MED14: variants seen among roughly 807,000 people sequenced by gnomAD.
MED14 encodes the protein mediator of RNA polymerase II transcription subunit 14.
In MED14, 8 loss-of-function variants were observed where a neutral mutation model predicts 109.0. The ratio of observed to expected loss-of-function variants is 0.07; its 90% CI spans 0.04 to 0.13. The LOEUF (loss-of-function observed/expected upper bound fraction) is 0.13. MED14 is among the 10% of genes least tolerant of loss of function. The pLI, the probability that MED14 is intolerant of heterozygous loss-of-function variation, is 1.00. For missense variants in MED14, 711 were observed against 1,142.4 expected (o/e 0.62, Z 5.44); for synonymous variants, 399 against 408.7 (o/e 0.98, Z 0.29).
At chrX:40,655,694 T>A (rs1463160544) in intron 28 of MED14, among the ~76,000 whole-genome samples, 2 of 112,231 alleles carry the variant, frequency 1.8e-5, no homozygotes, top group African/African-American at 6.5e-5. Context: ...ACATAAATAT[T>A]TACTCCTTTA....
intron 3 of MED14, among the ~76,000 whole-genome samples, chrX:40,723,697 C>T (rs905933829): frequency 0.019 from 1,212 of 64,963 alleles, 18 homozygotes; most frequent in Non-Finnish European, 0.028. Context: ...AAAAAAAATA[C>T]AATGGACACA....
chrX:40,656,426 G>A (rs1174334259), intron 28 of MED14, among the ~76,000 whole-genome samples: 3 of 112,202 alleles, frequency 2.7e-5, no homozygotes, highest in Non-Finnish European at 5.6e-5. Flanking sequence ...AAGTCTAAAC[G>A]CTGATAAAAC....
At chrX:40,675,457 T>G (rs992335366) in intron 21 of MED14, 96 bp from the exon 22 acceptor site, 1 of 634,040 alleles carries the variant, frequency 1.6e-6, no homozygotes, top group Non-Finnish European at 2.2e-6. Context: ...AAACACAGTA[T>G]GTTGATCCTT....
Position 40,670,548 on chromosome X carries a change from T to C in MED14, c.3133+1313A>G, listed in dbSNP as rs1026003854. On this transcript the variant is annotated intron_variant, in intron 23 of 30. Coordinates refer to ENST00000324817, the MANE Select transcript of MED14 (RefSeq NM_004229.4). Reference sequence around the variant, plus strand: ...AGGCCGAGGCGGGTGGATCATGAGGTCAGGAGATCGAGACCATCCTGGCTA... The same window carrying C: ...AGGCCGAGGCGGGTGGATCATGAGGCCAGGAGATCGAGACCATCCTGGCTA... Among the ~76,000 whole-genome samples, 4 of 109,761 alleles carry C rather than the reference T, an allele frequency of 3.6e-5. No individual in the cohort carries two copies. In the East Asian group the frequency reaches 1.1e-3, roughly 31 times the overall value.
intron 13 of MED14, among the ~76,000 whole-genome samples, chrX:40,693,154 A>T (rs1048599322): frequency 3.6e-5 from 4 of 112,228 alleles, no homozygotes; most frequent in Non-Finnish European, 7.5e-5. Flanking sequence ...GGGCATTTAA[A>T]CTATTATGTA....
intron 28 of MED14, among the ~76,000 whole-genome samples, chrX:40,656,869 T>A (rs1569277800): frequency 8.9e-6 from 1 of 112,307 alleles, no homozygotes; most frequent in Non-Finnish European, 1.9e-5. Flanking sequence ...CTAAAAATAC[T>A]GGGGGTGGAA....
intron 30 of MED14, among the ~76,000 whole-genome samples, chrX:40,652,331 T>C (rs770039407): frequency 2.7e-5 from 3 of 112,528 alleles, no homozygotes; most frequent in African/African-American, 3.2e-5. Flanking sequence ...CGCTGTCCAA[T>C]AGAACTTTTT....
At chrX:40,727,967 G>A (rs754589709) in intron 2 of MED14, among the ~76,000 whole-genome samples, 2 of 111,981 alleles carry the variant, frequency 1.8e-5, no homozygotes, top group Non-Finnish European at 3.8e-5. Context: ...TATGATTAGT[G>A]GTACTATAAA....
chrX:40,650,482 G>A lies in MED14; in HGVS notation c.*1324C>T. On this transcript the variant is annotated 3_prime_UTR_variant, in exon 31 of 31. Coordinates refer to ENST00000324817, the MANE Select transcript of MED14 (RefSeq NM_004229.4). ...GGAGAACCAGTATTACAGTGACCAGGTAACTCGGCATGGTATTATCACTTA... is the reference window on the plus strand; with the variant it reads ...GGAGAACCAGTATTACAGTGACCAGATAACTCGGCATGGTATTATCACTTA... 1.3e-6 allele frequency: 1 copy of A among 753,937 alleles called. No homozygotes were observed. The highest frequency in any genetic ancestry group is 1.6e-6 in the Non-Finnish European group (1 of 639,069). The allele number at this position is 753,937 out of a possible 1,213,427, so 62.1% of individuals were successfully genotyped here.
At chrX:40,652,588 A>C (rs1265987998) in intron 30 of MED14, among the ~76,000 whole-genome samples, 2 of 111,545 alleles carry the variant, frequency 1.8e-5, no homozygotes, top group African/African-American at 6.5e-5. Flanking sequence ...TAAATACAAA[A>C]ATGATTTTCT....
intron 12 of MED14, among the ~76,000 whole-genome samples, chrX:40,697,429 C>A (rs1271998090): frequency 8.9e-6 from 1 of 111,987 alleles, no homozygotes; most frequent in Non-Finnish European, 1.9e-5. Context: ...GTAGAATTCA[C>A]TGTAAGGATG....
rs758440608 is a variant in MED14, at chrX:40,655,928, T to C, written c.3973-868A>G. 6.3e-5 allele frequency among the ~76,000 whole-genome samples: 7 copies of C among 111,233 alleles called. No homozygotes were observed. In the South Asian group the frequency reaches 2.3e-3, roughly 36 times the overall value. ...ACTGAAAAAAATACATCAGCTGCCA[T>C]CTGGATTCCATCTATATAACTACAT... On this transcript the variant is annotated intron_variant, in intron 28 of 30. Transcript: ENST00000324817.
chrX:40,712,552 C>G (rs983943842), intron 6 of MED14, among the ~76,000 whole-genome samples: 1 of 111,403 alleles, frequency 9.0e-6, no homozygotes, highest in Admixed American at 9.5e-5. Context: ...TATAGAGAGA[C>G]AGGATCTTGC....
chrX:40,683,326 A>C (rs1364828978), intron 16 of MED14, among the ~76,000 whole-genome samples: 1 of 111,899 alleles, frequency 8.9e-6, no homozygotes, highest in Non-Finnish European at 1.9e-5. Context: ...AGCTAAGGGG[A>C]CCAAATCCTT....
At chrX:40,723,667 G>GAAAA (rs56676419) in intron 3 of MED14, among the ~76,000 whole-genome samples, 1 of 17,995 alleles carries the variant, frequency 5.6e-5, no homozygotes. Context: ...CTCCGTCTCA[G>GAAAA]AAAAAAAAAA....
intron 28 of MED14, among the ~76,000 whole-genome samples, chrX:40,658,017 C>T (rs757661517): frequency 3.7e-4 from 41 of 110,550 alleles, no homozygotes; most frequent in Non-Finnish European, 6.1e-4. Flanking sequence ...TGGTCTGGAA[C>T]TCCTGAGCTC....
At chrX:40,679,125 G>A (rs774138199) in intron 21 of MED14, among the ~76,000 whole-genome samples, 16 of 112,081 alleles carry the variant, frequency 1.4e-4, no homozygotes, top group Non-Finnish European at 2.8e-4. Flanking sequence ...TTGTGGTCCA[G>A]GACCTTACAT....
chrX:40,705,434 C>T (rs945595603), intron 10 of MED14, among the ~76,000 whole-genome samples: 26 of 111,887 alleles, frequency 2.3e-4, no homozygotes, highest in African/African-American at 8.1e-4. Context: ...GTTCAAAAGA[C>T]AAGAAATACT....
chrX:40,672,580 A>G (rs927802768), intron 22 of MED14, among the ~76,000 whole-genome samples: 1 of 112,090 alleles, frequency 8.9e-6, no homozygotes, highest in African/African-American at 3.2e-5. Flanking sequence ...AATAATTATC[A>G]ATTTTTTTCT....
Sources: allele counts gnomAD v4.1 joint callset (sites outside exome capture counted in the v4.1 genomes callset), GRCh38; gene constraint gnomAD v4.1.1; transcripts MANE v1.5; gene names NCBI Gene and HGNC (gene_info 2026-07-23, HGNC 2026-07-21).